Variants in PPP3CA observed in about 807,000 individuals in gnomAD.
PPP3CA encodes protein phosphatase 3 catalytic subunit alpha.
PPP3CA carries 14 observed loss-of-function variants against 66.5 expected under a neutral mutation model. The observed-to-expected ratio is 0.21, with a 90% CI of 0.14 to 0.33. PPP3CA has a LOEUF of 0.33. PPP3CA is among the 10% of genes least tolerant of loss of function. The pLI, the probability that PPP3CA is intolerant of heterozygous loss-of-function variation, is 1.00. For synonymous variants in PPP3CA, 232 were observed against 226.2 expected (o/e 1.03, Z -0.23); for missense variants, 317 against 639.5 (o/e 0.50, Z 5.44).
intron 9 of PPP3CA, among the ~76,000 whole-genome samples, chr4:101,061,365 G>A (rs1192294650): frequency 6.6e-6 from 1 of 152,110 alleles, no homozygotes; most frequent in African/African-American, 2.4e-5. Flanking sequence ...TGATGCTTAT[G>A]ATATCTAATG....
At chr4:101,225,411 A>T (rs1294761855) in intron 1 of PPP3CA, among the ~76,000 whole-genome samples, 1 of 151,824 alleles carries the variant, frequency 6.6e-6, no homozygotes, top group Non-Finnish European at 1.5e-5. Context: ...AGCCTAAAAA[A>T]AGTCTCGTGA....
chr4:101,088,488 G>A (rs777438173), intron 6 of PPP3CA, among the ~76,000 whole-genome samples: 1 of 151,248 alleles, frequency 6.6e-6, no homozygotes, highest in African/African-American at 2.4e-5. Context: ...GGGAAGCTGA[G>A]GCAGGAGAAT....
chr4:101,079,021 G>A (rs1302349715), intron 8 of PPP3CA, among the ~76,000 whole-genome samples: 1 of 152,150 alleles, frequency 6.6e-6, no homozygotes, highest in Non-Finnish European at 1.5e-5. Context: ...CACTATAGAG[G>A]AGGACCCACT....
Position 101,108,966 on chromosome 4 carries a change from G to A in PPP3CA, c.372C>T (p.Tyr124=). 1 of 1,613,500 alleles carries A rather than the reference G, an allele frequency of 6.2e-7. No individual in the cohort carries two copies. Among genetic ancestry groups the A allele is most frequent in the Non-Finnish European group, 8.5e-7 (1 of 1,179,666 alleles). The stretch of plus-strand genomic sequence containing the variant: ...GATGTAGACTTACTTCAATACTGAA[G>A]TACCCTCTGTCAACATAGTCCCCTA... ...LFLGDYVDRG[Y]FSIECVLYLW... Residue 124 remains tyrosine (Y), a synonymous_variant, in exon 3 of 14, where the codon TAC becomes TAT. Transcript: ENST00000394854.
intron 1 of PPP3CA, among the ~76,000 whole-genome samples, chr4:101,200,698 T>C (rs1724941436): frequency 6.6e-6 from 1 of 152,150 alleles, no homozygotes; most frequent in Non-Finnish European, 1.5e-5. Flanking sequence ...TCCTCGATGA[T>C]GGCTGCTAAG....
chr4:101,340,561 T>C (rs1333064702), intron 1 of PPP3CA, among the ~76,000 whole-genome samples: 1 of 152,196 alleles, frequency 6.6e-6, no homozygotes, highest in South Asian at 2.1e-4. Flanking sequence ...CATGGAGGAA[T>C]ACACAATTGT....
intron 1 of PPP3CA, among the ~76,000 whole-genome samples, chr4:101,326,709 A>C (rs1283583607): frequency 1.3e-5 from 2 of 152,206 alleles, no homozygotes; most frequent in African/African-American, 4.8e-5. Context: ...CAAATCAACT[A>C]AGGGTAGCCT....
chr4:101,064,901 C>A (rs1386875168), intron 8 of PPP3CA, among the ~76,000 whole-genome samples: 4 of 151,986 alleles, frequency 2.6e-5, no homozygotes, highest in Admixed American at 1.3e-4. Flanking sequence ...TAGCAGCCTG[C>A]ATTTAACTAA....
At chr4:101,095,721 G>C (rs1269003806) in intron 5 of PPP3CA, among the ~76,000 whole-genome samples, 1 of 152,048 alleles carries the variant, frequency 6.6e-6, no homozygotes, top group South Asian at 2.1e-4. Context: ...GCACGATCTC[G>C]GCTCACAGCA....
rs1357429961 is a variant in PPP3CA, at chr4:101,024,609, A to ATAAC, written c.*1252_*1255dup. The ATAAC allele has an allele frequency of 1.3e-5, 2 of 152,680 alleles. No individual in the cohort carries two copies. The highest frequency in any genetic ancestry group is 4.8e-5 in the African/African-American group (2 of 41,466). 9.5% of individuals were successfully genotyped at this position (152,680 alleles called of 1,614,324 possible). On this transcript the variant is annotated 3_prime_UTR_variant, in exon 14 of 14. Transcript: ENST00000394854. Reference sequence around the variant, plus strand: ...GTGGCACATGACAGAACAGAACAAAATAACTAAACTGTTATGACATTAACA... The same window carrying ATAAC: ...GTGGCACATGACAGAACAGAACAAAATAACTAACTAAACTGTTATGACATTAACA...
chr4:101,239,176 T>C (rs1007905102), intron 1 of PPP3CA, among the ~76,000 whole-genome samples: 13 of 152,100 alleles, frequency 8.5e-5, no homozygotes. Context: ...CCTTTTACTT[T>C]ATCAAATGCA....
chr4:101,249,662 C>T (rs1726609520), intron 1 of PPP3CA, among the ~76,000 whole-genome samples: 1 of 152,128 alleles, frequency 6.6e-6, no homozygotes, highest in South Asian at 2.1e-4. Context: ...TCAACATTAG[C>T]TTTCAGTTTT....
At chr4:101,225,311 A>G (rs1442518465) in intron 1 of PPP3CA, among the ~76,000 whole-genome samples, 2 of 151,814 alleles carry the variant, frequency 1.3e-5, no homozygotes, top group East Asian at 3.9e-4. Context: ...GACTAGAAAA[A>G]TGACGGACAC....
At chr4:101,230,380 T>C (rs754128412) in intron 1 of PPP3CA, among the ~76,000 whole-genome samples, 30 of 151,580 alleles carry the variant, frequency 2.0e-4, no homozygotes, top group Non-Finnish European at 3.7e-4. Context: ...AATAACCTTA[T>C]AACTTATCAT....
chr4:101,064,019 A>G (rs1728581387), intron 8 of PPP3CA, among the ~76,000 whole-genome samples: 1 of 151,932 alleles, frequency 6.6e-6, no homozygotes, highest in Admixed American at 6.6e-5. Flanking sequence ...ATTATAATCT[A>G]TTATCGTTAA....
At chr4:101,299,538 C>T (rs1370095069) in intron 1 of PPP3CA, among the ~76,000 whole-genome samples, 1 of 151,802 alleles carries the variant, frequency 6.6e-6, no homozygotes, top group Non-Finnish European at 1.5e-5. Context: ...CATATGGGAC[C>T]CTGTCCTATA....
At chr4:101,206,537 A>G (rs991526779) in intron 1 of PPP3CA, among the ~76,000 whole-genome samples, 1 of 152,240 alleles carries the variant, frequency 6.6e-6, no homozygotes, top group Non-Finnish European at 1.5e-5. Flanking sequence ...TTAAGGAAAG[A>G]GATTGCTGGA....
intron 3 of PPP3CA, among the ~76,000 whole-genome samples, chr4:101,100,620 C>T (rs1046054819): frequency 3.9e-5 from 6 of 152,220 alleles, no homozygotes; most frequent in African/African-American, 7.2e-5. Context: ...AATTTGTTAT[C>T]GTCAACTGAC....
At chr4:101,247,212 A>G (rs1455510131) in intron 1 of PPP3CA, among the ~76,000 whole-genome samples, 1 of 150,380 alleles carries the variant, frequency 6.6e-6, no homozygotes, top group African/African-American at 2.5e-5. Flanking sequence ...CCCAGGCTGG[A>G]GTGCAGTGGT....
Sources: allele counts gnomAD v4.1 joint callset (sites outside exome capture counted in the v4.1 genomes callset), GRCh38; gene constraint gnomAD v4.1.1; transcripts MANE v1.5; gene names NCBI Gene and HGNC (gene_info 2026-07-23, HGNC 2026-07-21).